Variants in ADGRE1 observed in about 807,000 individuals in gnomAD.
ADGRE1 encodes EGF-like module receptor 1.
Under a neutral mutation model 102.7 loss-of-function variants are expected in ADGRE1, and 82 were observed. That is an observed-to-expected ratio of 0.80 (90% confidence interval 0.67 to 0.96). The LOEUF (loss-of-function observed/expected upper bound fraction) is 0.96. Ranked by LOEUF, ADGRE1 falls within the 40% of genes least tolerant of loss-of-function variation. ADGRE1 has a pLI of 0.00. For missense variants in ADGRE1, 1,032 were observed against 1,085.3 expected (o/e 0.95, Z 0.69); for synonymous variants, 398 against 399.6 (o/e 1.00, Z 0.05).
chr19:6,892,340 T>A (rs1037317794), intron 2 of ADGRE1, among the ~76,000 whole-genome samples: 2 of 152,238 alleles, frequency 1.3e-5, no homozygotes, highest in African/African-American at 2.4e-5. Context: ...TTTATGATAC[T>A]TTTTAGTTTT....
intron 9 of ADGRE1, among the ~76,000 whole-genome samples, chr19:6,907,413 A>C (rs2144926721): frequency 6.7e-6 from 1 of 150,344 alleles, no homozygotes; most frequent in South Asian, 2.1e-4. Context: ...ATCTTGGCTC[A>C]CTGCAACCTC....
chr19:6,917,151 C>G (rs1974420275), intron 12 of ADGRE1, among the ~76,000 whole-genome samples: 1 of 145,576 alleles, frequency 6.9e-6, no homozygotes, highest in African/African-American at 2.5e-5. Flanking sequence ...TTCAATAAAA[C>G]TTTATTTAAA....
Position 6,913,733 on chromosome 19 carries a change from GGCC to G in ADGRE1, c.1204_1206del (p.Ala402del), listed in dbSNP as rs1974282313. 1.9e-6 allele frequency: 3 copies of G among 1,613,226 alleles called. No individual in the cohort carries two copies. Among genetic ancestry groups the G allele is most frequent in the African/African-American group, 2.7e-5 (2 of 74,910 alleles). ...TCACCAAGGAAGAGACGTCCTCCCT[GGCC>G]ACAGTCTTCCTGGAGAGTGTGGAAA... On this transcript the variant is annotated inframe_deletion, in exon 11 of 21. Transcript: ENST00000312053.
chr19:6,888,400 G>T (rs1402041442), intron 1 of ADGRE1, among the ~76,000 whole-genome samples: 3 of 152,174 alleles, frequency 2.0e-5, no homozygotes, highest in Non-Finnish European at 2.9e-5. Context: ...CTTTCTTCAG[G>T]TGTCAGTTTG....
intron 2 of ADGRE1, among the ~76,000 whole-genome samples, chr19:6,892,895 G>A (rs1024394715): frequency 2.6e-5 from 4 of 152,154 alleles, no homozygotes; most frequent in Non-Finnish European, 4.4e-5. Context: ...ATAGGTAGTT[G>A]CCCTACTGTG....
At chr19:6,893,972 G>T (rs536836444) in intron 2 of ADGRE1, among the ~76,000 whole-genome samples, 1 of 152,272 alleles carries the variant, frequency 6.6e-6, no homozygotes, top group Admixed American at 6.5e-5. Flanking sequence ...CAACTTCAAA[G>T]CCAGCAGTGG....
chr19:6,937,181 T>C, intron 18 of ADGRE1, 62 bp from the exon 19 acceptor site: 1 of 1,541,184 alleles, frequency 6.5e-7, no homozygotes, highest in Non-Finnish European at 8.8e-7. Flanking sequence ...TTCCTGGAAG[T>C]GTGGCCTGCA....
At chr19:6,888,476 G>A (rs952890680) in intron 1 of ADGRE1, among the ~76,000 whole-genome samples, 36 of 152,102 alleles carry the variant, frequency 2.4e-4, no homozygotes, top group African/African-American at 8.5e-4. Flanking sequence ...TTGGTCATTG[G>A]ATCAAATTTA....
intron 13 of ADGRE1, among the ~76,000 whole-genome samples, chr19:6,920,567 A>G (rs1282105465): frequency 9.5e-6 from 1 of 105,060 alleles, no homozygotes; most frequent in Non-Finnish European, 1.7e-5. Context: ...CTTGTTGCCC[A>G]GGCTGGAGTT....
At chr19:6,889,945 C>A (rs1200999417) in intron 1 of ADGRE1, among the ~76,000 whole-genome samples, 1 of 151,432 alleles carries the variant, frequency 6.6e-6, no homozygotes, top group African/African-American at 2.4e-5. Context: ...TTTTTTTAGA[C>A]AGGGTCACCT....
Position 6,899,407 on chromosome 19 carries a change from G to A in ADGRE1, c.514+1860G>A, listed in dbSNP as rs1193999997. ...AAAAACCTTATTCTGGGCTGGGCGC[G>A]GTGGCTCACGCCTGTAATACCAGCA... On this transcript the variant is annotated intron_variant, in intron 5 of 20. Coordinates refer to ENST00000312053, the MANE Select transcript of ADGRE1 (RefSeq NM_001974.5). 4.6e-5 allele frequency among the ~76,000 whole-genome samples: 7 copies of A among 152,216 alleles called. No homozygotes were observed. In the East Asian group the frequency reaches 9.7e-4, roughly 21 times the overall value.
intron 17 of ADGRE1, among the ~76,000 whole-genome samples, chr19:6,930,839 A>G (rs1022247078): frequency 6.6e-6 from 1 of 151,910 alleles, no homozygotes; most frequent in African/African-American, 2.4e-5. Context: ...GGATTTCGCC[A>G]TGTTTTCCAG....
chr19:6,913,882 T>C, intron 11 of ADGRE1, 52 bp downstream of exon 11: 1 of 1,466,808 alleles, frequency 6.8e-7, no homozygotes, highest in Non-Finnish European at 9.1e-7. Context: ...ATTTTGAAAG[T>C]TGACTTTGGC....
chr19:6,920,044 G>C (rs563248976), intron 13 of ADGRE1, among the ~76,000 whole-genome samples: 1 of 152,134 alleles, frequency 6.6e-6, no homozygotes, highest in Non-Finnish European at 1.5e-5. Flanking sequence ...CAAGAGTCTG[G>C]CTCAAATCTG....
chr19:6,917,291 T>G (rs1329138544), intron 12 of ADGRE1, among the ~76,000 whole-genome samples: 1 of 152,230 alleles, frequency 6.6e-6, no homozygotes, highest in Non-Finnish European at 1.5e-5. Flanking sequence ...AAGAGCTATT[T>G]AAGCGAAGTC....
chr19:6,921,159 A>G (rs1323611797), intron 13 of ADGRE1, among the ~76,000 whole-genome samples: 1 of 152,066 alleles, frequency 6.6e-6, no homozygotes, highest in African/African-American at 2.4e-5. Flanking sequence ...GGTGACACAC[A>G]CCTGTAATCC....
chr19:6,932,559 A>G (rs1032525709), intron 17 of ADGRE1, among the ~76,000 whole-genome samples: 3 of 152,106 alleles, frequency 2.0e-5, no homozygotes, highest in African/African-American at 7.2e-5. Flanking sequence ...AGCGAGAGGG[A>G]TTTTCAGAGT....
chr19:6,906,266 C>G (rs1973949703), intron 8 of ADGRE1, among the ~76,000 whole-genome samples, 167 bp from the exon 9 acceptor site: 2 of 152,138 alleles, frequency 1.3e-5, no homozygotes, highest in Non-Finnish European at 2.9e-5. Flanking sequence ...GTAAACACGT[C>G]CTTCATGTTG....
At chr19:6,903,702 C>T (rs1282877619) in intron 6 of ADGRE1, 108 bp from the exon 7 acceptor site, 3 of 1,437,710 alleles carry the variant, frequency 2.1e-6, no homozygotes, top group Non-Finnish European at 2.9e-6. Flanking sequence ...TAGTCCCTGG[C>T]TGGGACACCA....
Sources: gnomAD v4.1 joint callset for allele counts (sites outside exome capture counted in the v4.1 genomes callset) on GRCh38, gnomAD v4.1.1 for gene constraint, MANE v1.5 for transcripts, NCBI Gene and HGNC (gene_info 2026-07-23, HGNC 2026-07-21) for gene names.